The following GRIA1 variants were observed in gnomAD, a reference collection of about 807,000 sequenced individuals.
GRIA1 encodes glutamate receptor 1.
GRIA1 carries 31 observed loss-of-function variants against 99.2 expected under a neutral mutation model. The ratio of observed to expected loss-of-function variants is 0.31; its 90% CI spans 0.23 to 0.42. The LOEUF is 0.42. Among genes scored for constraint, GRIA1 ranks in the 10% least tolerant of loss-of-function variants. GRIA1 has a pLI of 1.00. For synonymous variants in GRIA1, 438 were observed against 432.4 expected (o/e 1.01, Z -0.16); for missense variants, 782 against 1,157.5 (o/e 0.68, Z 4.71).
intron 11 of GRIA1, among the ~76,000 whole-genome samples, chr5:153,707,127 A>G (rs1758954367): frequency 6.6e-6 from 1 of 152,070 alleles, no homozygotes. Flanking sequence ...TTTAAAAAAA[A>G]AGAAGAAAAA....
At chr5:153,794,596 G>A (rs373874870) in intron 13 of GRIA1, 25 bp from the exon 14 acceptor site, 24 of 1,432,770 alleles carry the variant, frequency 1.7e-5, no homozygotes, top group African/African-American at 1.4e-4. Flanking sequence ...GTTACTCATC[G>A]AGTGTTATTT....
Position 153,718,847 on chromosome 5 carries a change from A to G in GRIA1, c.1823+12780A>G, listed in dbSNP as rs971081475. On this transcript the variant is annotated intron_variant, in intron 11 of 15. Transcript: ENST00000285900. ...GGAAAGTCCAGAGGCTATTTCCAGC[A>G]GGAGGAGGAAGGCTGCCAGATGCAG... 3.9e-5 allele frequency among the ~76,000 whole-genome samples: 6 copies of G among 152,168 alleles called. No homozygotes were observed. In the East Asian group the frequency reaches 1.2e-3, roughly 29 times the overall value.
intron 12 of GRIA1, among the ~76,000 whole-genome samples, chr5:153,765,401 G>A (rs1763453351): frequency 6.6e-6 from 1 of 152,210 alleles, no homozygotes; most frequent in Non-Finnish European, 1.5e-5. Flanking sequence ...GGAACAATCA[G>A]TGGAGGTTCC....
In GRIA1 at chr5:153,698,137, A is replaced by G; in HGVS notation, c.1228A>G (p.Ile410Val). Residue 410 changes from isoleucine to valine, a missense_variant, in exon 9 of 16, where the codon ATC becomes GTC. Transcript: ENST00000285900. Reference sequence around the variant, plus strand: ...TTCAAGTGTTCAGAACAGAACATACATCGTCACAACAATCCTAGTGAGTAC... The same window carrying G: ...TTCAAGTGTTCAGAACAGAACATACGTCGTCACAACAATCCTAGTGAGTAC... ...DNSSVQNRTY[I>V]VTTILEDPYV... 1 of 1,593,076 alleles carries G rather than the reference A, an allele frequency of 6.3e-7. No homozygotes were observed. Among genetic ancestry groups the G allele is most frequent in the Non-Finnish European group, 8.6e-7 (1 of 1,160,990 alleles).
intron 11 of GRIA1, among the ~76,000 whole-genome samples, chr5:153,726,048 C>A (rs1760502199): frequency 6.6e-6 from 1 of 151,494 alleles, no homozygotes; most frequent in Non-Finnish European, 1.5e-5. Flanking sequence ...GTCTCTCAGA[C>A]CACAGTGCAA....
At chr5:153,730,743 A>T (rs1760949958) in intron 11 of GRIA1, among the ~76,000 whole-genome samples, 1 of 152,138 alleles carries the variant, frequency 6.6e-6, no homozygotes, top group African/African-American at 2.4e-5. Context: ...ACATTGTTGC[A>T]TTAATCCAAA....
At chr5:153,804,491 C>T (rs1051064224) in intron 15 of GRIA1, among the ~76,000 whole-genome samples, 4 of 152,146 alleles carry the variant, frequency 2.6e-5, no homozygotes, top group Non-Finnish European at 5.9e-5. Context: ...CAACCTGTAC[C>T]ATCCCTCAAA....
chr5:153,764,376 C>G lies in GRIA1; in HGVS notation c.1824-58C>G, dbSNP rs1455607747. 8.0e-6 allele frequency: 11 copies of G among 1,376,198 alleles called. No individual in the cohort carries two copies. The African/African-American group carries it at 1.6e-4, about 20-fold the overall frequency. 85.2% of individuals were successfully genotyped at this position (1,376,198 alleles called of 1,614,324 possible). A position where few individuals can be genotyped will look rare whatever the true frequency, so the allele number is the denominator to read the frequency against. Reference sequence around the variant, plus strand: ...CCCCGGACCCGTGCTCAGTCCCTCCCCAGAGCTTTCCACAGTTGATGTCCA... The same window carrying G: ...CCCCGGACCCGTGCTCAGTCCCTCCGCAGAGCTTTCCACAGTTGATGTCCA... On this transcript the variant is annotated intron_variant, in intron 11 of 15. Transcript: ENST00000285900.
At chr5:153,806,080 G>A (rs987148253) in intron 15 of GRIA1, among the ~76,000 whole-genome samples, 1 of 152,114 alleles carries the variant, frequency 6.6e-6, no homozygotes, top group East Asian at 1.9e-4. Flanking sequence ...TTTCAGCTTT[G>A]CAGCTCTCTT....
chr5:153,750,152 C>G (rs1018577200), intron 11 of GRIA1, among the ~76,000 whole-genome samples: 2 of 152,102 alleles, frequency 1.3e-5, no homozygotes, highest in Non-Finnish European at 1.5e-5. Flanking sequence ...GAAGTGGCCT[C>G]ATCAGTGGAA....
At chr5:153,545,549 C>G (rs1759535578) in intron 2 of GRIA1, among the ~76,000 whole-genome samples, 1 of 152,160 alleles carries the variant, frequency 6.6e-6, no homozygotes, top group Non-Finnish European at 1.5e-5. Context: ...GGGAGAACAT[C>G]AGACTTGTCC....
At chr5:153,609,964 T>C (rs996739934) in intron 2 of GRIA1, among the ~76,000 whole-genome samples, 4 of 152,196 alleles carry the variant, frequency 2.6e-5, no homozygotes, top group Non-Finnish European at 5.9e-5. Flanking sequence ...GTTAACTATT[T>C]TATTATTTTG....
intron 8 of GRIA1, among the ~76,000 whole-genome samples, chr5:153,694,056 G>T (rs1273224699): frequency 6.6e-6 from 1 of 152,142 alleles, no homozygotes. Flanking sequence ...AATAAAATAG[G>T]TTTGTTTACA....
chr5:153,602,532 A>C (rs1765071099), intron 2 of GRIA1, among the ~76,000 whole-genome samples: 3 of 136,738 alleles, frequency 2.2e-5, no homozygotes, highest in African/African-American at 8.3e-5. Flanking sequence ...AAGTATAATA[A>C]TAATAAAATA....
intron 11 of GRIA1, among the ~76,000 whole-genome samples, chr5:153,741,338 A>C (rs1342448941): frequency 6.6e-6 from 1 of 152,206 alleles, no homozygotes; most frequent in Non-Finnish European, 1.5e-5. Flanking sequence ...ATGGAAAACA[A>C]TATGGAGGTT....
chr5:153,793,469 G>C (rs1251373189), intron 13 of GRIA1, among the ~76,000 whole-genome samples: 1 of 152,204 alleles, frequency 6.6e-6, no homozygotes, highest in Non-Finnish European at 1.5e-5. Flanking sequence ...TTAGGAGAAA[G>C]TAGATAAATA....
intron 11 of GRIA1, among the ~76,000 whole-genome samples, chr5:153,716,478 T>G (rs1759674394): frequency 1.3e-5 from 2 of 152,174 alleles, no homozygotes; most frequent in African/African-American, 4.8e-5. Flanking sequence ...GGCCTTGCTT[T>G]GAATTTTTAT....
chr5:153,741,913 G>A (rs961450204), intron 11 of GRIA1, among the ~76,000 whole-genome samples: 10 of 144,006 alleles, frequency 6.9e-5, no homozygotes, highest in East Asian at 2.1e-4. Context: ...CATTCTTAAC[G>A]TATAAAACTA....
chr5:153,593,785 T>C (rs1459701466), intron 2 of GRIA1, among the ~76,000 whole-genome samples: 1 of 152,190 alleles, frequency 6.6e-6, no homozygotes, highest in South Asian at 2.1e-4. Context: ...AGGAGAGCTA[T>C]CTTCCTGGGA....
Sources: gnomAD v4.1 joint callset for allele counts (sites outside exome capture counted in the v4.1 genomes callset) on GRCh38, gnomAD v4.1.1 for gene constraint, MANE v1.5 for transcripts, NCBI Gene and HGNC (gene_info 2026-07-23, HGNC 2026-07-21) for gene names.